Variants in HUNK observed in about 807,000 individuals in gnomAD.
The protein encoded by HUNK is hormonally up-regulated Neu-associated kinase, also known as hormonally up-regulated neu tumor-associated kinase.
A neutral mutation model predicts 61.0 loss-of-function variants in HUNK; 21 were observed. That is an observed-to-expected ratio of 0.34 (90% confidence interval 0.24 to 0.50). The LOEUF (loss-of-function observed/expected upper bound fraction) is 0.50, where lower values mean the gene tolerates loss of function less well. Among genes scored for constraint, HUNK ranks in the 20% least tolerant of loss-of-function variants. The pLI, the probability that HUNK is intolerant of heterozygous loss-of-function variation, is 0.98. For missense variants in HUNK, 772 were observed against 945.7 expected, an observed-to-expected ratio of 0.82 and a Z score of 2.41; for synonymous variants, 371 against 386.1, an observed-to-expected ratio of 0.96 and a Z score of 0.46.
At chr21:31,974,486 C>T in intron 6 of HUNK, 69 bp from the exon 7 acceptor site, 2 of 1,405,746 alleles carry the variant, frequency 1.4e-6, no homozygotes, top group Non-Finnish European at 1.9e-6. Context: ...CTGATTGTGC[C>T]CAGGGGGTCT....
intron 1 of HUNK, among the ~76,000 whole-genome samples, chr21:31,890,609 G>A (rs1324698552): frequency 6.6e-6 from 1 of 152,176 alleles, no homozygotes; most frequent in Admixed American, 6.5e-5. Flanking sequence ...TTTAAATCCA[G>A]TTCCCAATTG....
At chr21:31,990,239 A>G in intron 9 of HUNK, 63 bp downstream of exon 9, 1 of 1,373,688 alleles carries the variant, frequency 7.3e-7, no homozygotes, top group Non-Finnish European at 1.0e-6. Flanking sequence ...CCAATAGAGT[A>G]TGGAGAGAGA....
At chr21:31,997,886 A>C (rs990858780) in intron 10 of HUNK, among the ~76,000 whole-genome samples, 4 of 151,958 alleles carry the variant, frequency 2.6e-5, no homozygotes, top group Non-Finnish European at 5.9e-5. Context: ...TTTTTATTCC[A>C]AGATCCTTTG....
intron 7 of HUNK, among the ~76,000 whole-genome samples, chr21:31,980,125 G>A (rs983394630): frequency 6.6e-6 from 1 of 152,018 alleles, no homozygotes; most frequent in Non-Finnish European, 1.5e-5. Flanking sequence ...AAGCTGGAGT[G>A]CAGTGGTGTG....
chr21:31,964,763 G>T (rs1033215844), intron 5 of HUNK, among the ~76,000 whole-genome samples: 1 of 152,202 alleles, frequency 6.6e-6, no homozygotes, highest in Non-Finnish European at 1.5e-5. Context: ...CGTCAGCGGA[G>T]ATTTGAACTA....
In HUNK at chr21:31,998,645, G is replaced by A; in HGVS notation, c.1606G>A (p.Glu536Lys). Reference protein sequence around the residue: ...PRTPRIVKKPEPHQPGPGSTG... With the variant: ...PRTPRIVKKPKPHQPGPGSTG... ...GACCCCGAGGATTGTGAAGAAACCG[G>A]AGCCCCATCAGCCAGGGCCCGGAAG... is the stretch of plus-strand genomic sequence containing the variant. The change falls in exon 11 of 11, where the codon GAG (glutamate) becomes AAG (lysine). Residue 536 changes from glutamate to lysine, a missense_variant. This residue lies in a region of HUNK where 413 missense variants were observed against 444.4 expected (regional missense o/e 0.93). Transcript: ENST00000270112. 1.9e-6 allele frequency: 3 copies of A among 1,614,030 alleles called. No homozygotes were observed. The highest frequency in any genetic ancestry group is 2.5e-6 in the Non-Finnish European group (3 of 1,180,016).
At chr21:31,962,629 T>G (rs2052936776) in intron 5 of HUNK, among the ~76,000 whole-genome samples, 1 of 152,236 alleles carries the variant, frequency 6.6e-6, no homozygotes, top group Non-Finnish European at 1.5e-5. Context: ...TTAAAGATCT[T>G]CACATTCCTA....
chr21:31,998,915 G>A lies in HUNK; in HGVS notation c.1876G>A (p.Asp626Asn). The change falls in exon 11 of 11, where the codon GAT becomes AAT. Residue 626 changes from aspartate to asparagine, a missense_variant. Asp to Asn is a conservative substitution (Grantham distance 23, BLOSUM62 1). Transcript: ENST00000270112. ...HPTLVSFAHE[D>N]KNSPPKEEGL... ...AACTCTGGTCTCTTTTGCTCACGAA[G>A]ATAAGAACAGCCCCCCAAAAGAGGA... The A allele has an allele frequency of 6.2e-7, 1 of 1,614,220 alleles. No individual in the cohort carries two copies. Among genetic ancestry groups the A allele is most frequent in the Non-Finnish European group, 8.5e-7 (1 of 1,180,054 alleles).
intron 7 of HUNK, among the ~76,000 whole-genome samples, chr21:31,976,067 C>T (rs1359387278): frequency 6.6e-6 from 1 of 151,932 alleles, no homozygotes; most frequent in East Asian, 1.9e-4. Flanking sequence ...TTTTGTGAAC[C>T]ACCAAAGGAA....
At chr21:31,950,664 A>G (rs1366636897) in intron 4 of HUNK, among the ~76,000 whole-genome samples, 1 of 152,200 alleles carries the variant, frequency 6.6e-6, no homozygotes, top group Non-Finnish European at 1.5e-5. Flanking sequence ...TGTCTGAGAT[A>G]CAAGTTAGGT....
intron 7 of HUNK, among the ~76,000 whole-genome samples, chr21:31,983,209 GT>G (rs1180302251): frequency 6.6e-6 from 1 of 152,178 alleles, no homozygotes; most frequent in African/African-American, 2.4e-5. Flanking sequence ...CTCTGTTCGT[GT>G]TTTTGAGTAG....
intron 3 of HUNK, among the ~76,000 whole-genome samples, chr21:31,942,170 A>T (rs2052773411): frequency 6.6e-6 from 1 of 152,254 alleles, no homozygotes. Flanking sequence ...AGATCGTGAC[A>T]CTGCACTCCA....
intron 3 of HUNK, among the ~76,000 whole-genome samples, chr21:31,941,842 G>C (rs1008102613): frequency 6.6e-6 from 1 of 152,144 alleles, no homozygotes; most frequent in East Asian, 1.9e-4. Flanking sequence ...ATGTGGAGGT[G>C]ACAGTGATAG....
chr21:31,938,798 T>C (rs1161762680), intron 2 of HUNK, among the ~76,000 whole-genome samples: 3 of 152,210 alleles, frequency 2.0e-5, no homozygotes, highest in African/African-American at 7.2e-5. Flanking sequence ...TGTTTTTACA[T>C]AGTTAACATT....
At chr21:31,994,556 C>T (rs1054661144) in intron 9 of HUNK, among the ~76,000 whole-genome samples, 17 of 152,236 alleles carry the variant, frequency 1.1e-4, no homozygotes, top group East Asian at 3.9e-4. Context: ...TCCTCACCCA[C>T]GGTGAGGTCA....
At chr21:31,994,536 C>CT in intron 9 of HUNK, among the ~76,000 whole-genome samples, 1 of 152,228 alleles carries the variant, frequency 6.6e-6, no homozygotes, top group South Asian at 2.1e-4. Context: ...AAAGAAGAGT[C>CT]TTTTTTTCCT....
At chr21:31,978,914 A>G (rs928612214) in intron 7 of HUNK, among the ~76,000 whole-genome samples, 1 of 152,152 alleles carries the variant, frequency 6.6e-6, no homozygotes, top group Non-Finnish European at 1.5e-5. Context: ...ACTGATTTCC[A>G]TAATGGTTGT....
chr21:31,881,369 G>A (rs1330039307), intron 1 of HUNK, among the ~76,000 whole-genome samples: 1 of 152,148 alleles, frequency 6.6e-6, no homozygotes, highest in Non-Finnish European at 1.5e-5. Context: ...GCTCACGCGT[G>A]TAATCCCAGC....
At position 31,951,066 on chromosome 21, in the gene HUNK, C is replaced by T. The variant is rs539009156; in HGVS notation, c.746+4895C>T. 1.2e-4 allele frequency among the ~76,000 whole-genome samples: 18 copies of T among 151,936 alleles called. No individual in the cohort carries two copies. In the East Asian group the frequency reaches 2.5e-3, roughly 21 times the overall value. ...TTAACAATGGAAATGGGAAATGGCG[C>T]GCTTTCTTGGGGGTTTGTATTTCTT... On this transcript the variant is annotated intron_variant, in intron 4 of 10. Transcript: ENST00000270112.
Sources: gnomAD v4.1 joint callset for allele counts (sites outside exome capture counted in the v4.1 genomes callset) on GRCh38, gnomAD v4.1.1 for gene constraint, gnomAD v4.1.1 regional missense constraint, MANE v1.5 for transcripts, NCBI Gene and HGNC (gene_info 2026-07-23, HGNC 2026-07-21) for gene names.